NYAP2: variants seen among roughly 807,000 people sequenced by gnomAD.
The protein encoded by NYAP2 is neuronal tyrosine-phosphorylated phosphoinositide-3-kinase adapter 2.
A neutral mutation model predicts 50.4 loss-of-function variants in NYAP2; 23 were observed. The observed-to-expected ratio is 0.46, with a 90% CI of 0.33 to 0.65. The LOEUF is 0.65. Among genes scored for constraint, NYAP2 ranks in the 30% least tolerant of loss-of-function variants. NYAP2 has a pLI of 0.02. For synonymous variants in NYAP2, 394 were observed against 365.2 expected (o/e 1.08, Z -0.90); for missense variants, 885 against 861.0 (o/e 1.03, Z -0.35).
At chr2:225,687,169 GTAACT>G in the NYAP2 span, among the ~76,000 whole-genome samples, 2 of 152,074 alleles carry the variant, frequency 1.3e-5, no homozygotes, top group African/African-American at 4.8e-5. Context: ...TGCTATACGT[GTAACT>G]TAATCTCTTC....
chr2:225,653,058 A>G (rs1310913227), exon 7 of NYAP2: 1 of 152,234 alleles, frequency 6.6e-6, no homozygotes, highest in Non-Finnish European at 1.5e-5. Flanking sequence ...TAAAAGAAGT[A>G]GAAACAGTAA....
intron 4 of NYAP2, among the ~76,000 whole-genome samples, chr2:225,544,927 A>G (rs563602018): frequency 7.4e-4 from 113 of 152,270 alleles, no homozygotes; most frequent in Non-Finnish European, 1.5e-3. Context: ...TTTCTTCTTC[A>G]TGCTTGAAGG....
intron 3 of NYAP2, among the ~76,000 whole-genome samples, chr2:225,492,992 T>C: frequency 7.5e-6 from 1 of 132,840 alleles, no homozygotes; most frequent in South Asian, 2.2e-4. Flanking sequence ...TTATAGCAAC[T>C]TTTTTTTTTT....
At chr2:225,580,083 GT>G (rs1692245834) in intron 4 of NYAP2, among the ~76,000 whole-genome samples, 1 of 152,054 alleles carries the variant, frequency 6.6e-6, no homozygotes, top group Non-Finnish European at 1.5e-5. Context: ...GTAGAAAATA[GT>G]TTCCCAGAGC....
intron 6 of NYAP2, among the ~76,000 whole-genome samples, chr2:225,633,788 A>G (rs1259090240): frequency 6.6e-6 from 1 of 152,250 alleles, no homozygotes; most frequent in Non-Finnish European, 1.5e-5. Context: ...TTTAACTGCT[A>G]TTATGTGAAA....
chr2:225,556,665 C>T (rs1050117555), intron 4 of NYAP2, among the ~76,000 whole-genome samples: 2 of 152,168 alleles, frequency 1.3e-5, no homozygotes, highest in Non-Finnish European at 2.9e-5. Context: ...ATGGCTCCCC[C>T]TGGGTGCAAT....
At chr2:225,409,310 G>A (rs1208095661) in intron 3 of NYAP2, among the ~76,000 whole-genome samples, 1 of 151,964 alleles carries the variant, frequency 6.6e-6, no homozygotes, top group African/African-American at 2.4e-5. Context: ...ATTTCCTTGT[G>A]TGTGTGCATA....
intron 6 of NYAP2, among the ~76,000 whole-genome samples, chr2:225,630,275 G>A (rs747439238): frequency 6.6e-6 from 1 of 152,192 alleles, no homozygotes; most frequent in Non-Finnish European, 1.5e-5. Flanking sequence ...GCAAATAATA[G>A]CCCTTGTTTG....
rs78301932 is a variant in NYAP2, at chr2:225,560,387, T to G, written c.524-21554T>G. ...ACACTATGACATAGAGCATACCATA[T>G]CTTTGGACATATCTTTTCAAATATG... On this transcript the variant is annotated intron_variant, in intron 4 of 6. Transcript: ENST00000636099. 2.4e-4 allele frequency among the ~76,000 whole-genome samples: 36 copies of G among 152,226 alleles called. No homozygotes were observed. In the East Asian group the frequency reaches 6.9e-3, roughly 29 times the overall value.
At chr2:225,594,378 G>T (rs1196842561) in intron 5 of NYAP2, among the ~76,000 whole-genome samples, 1 of 151,970 alleles carries the variant, frequency 6.6e-6, no homozygotes, top group Non-Finnish European at 1.5e-5. Flanking sequence ...ACAAAAATTA[G>T]TTGGGTGTGG....
At chr2:225,702,040 G>A in the NYAP2 span, 2 of 151,672 alleles carry the variant, frequency 1.3e-5, no homozygotes, top group Admixed American at 6.6e-5. Flanking sequence ...GTTAAGACAA[G>A]TAGAAAAGAG....
chr2:225,547,040 G>A (rs1003185672), intron 4 of NYAP2, among the ~76,000 whole-genome samples: 11 of 152,106 alleles, frequency 7.2e-5, no homozygotes, highest in African/African-American at 2.2e-4. Context: ...CTATCCTATT[G>A]TGGCTAAGCG....
intron 3 of NYAP2, among the ~76,000 whole-genome samples, chr2:225,495,334 A>G (rs1035213266): frequency 2.0e-5 from 3 of 152,216 alleles, no homozygotes; most frequent in Non-Finnish European, 4.4e-5. Flanking sequence ...GCTGTCAATG[A>G]GAATAGATTG....
intron 3 of NYAP2, among the ~76,000 whole-genome samples, chr2:225,439,876 G>A (rs766209406): frequency 3.3e-5 from 5 of 152,178 alleles, no homozygotes; most frequent in Admixed American, 6.5e-5. Context: ...AAGAAAAGAC[G>A]TTTAATTGAC....
chr2:225,655,917 CACACACACACATACACACAT>C (rs1435494218), downstream of NYAP2, among the ~76,000 whole-genome samples: 58 of 147,732 alleles, frequency 3.9e-4, no homozygotes, highest in African/African-American at 1.4e-3. Context: ...CACACACACA[CACACACACACATACACACAT>C]ACACACACAC....
At chr2:225,653,468 T>C (rs1693770666) in exon 7 of NYAP2, 2 of 152,238 alleles carry the variant, frequency 1.3e-5, no homozygotes, top group African/African-American at 4.8e-5. Context: ...TTTTTCAAAA[T>C]GTAGCAAGGG....
chr2:225,701,112 C>T, the NYAP2 span: 8 of 151,850 alleles, frequency 5.3e-5, no homozygotes, highest in Admixed American at 1.3e-4. Context: ...TTATTCTGTG[C>T]CTATACGATT....
Position 225,596,307 on chromosome 2 carries a change from T to C in NYAP2, c.1618+13272T>C, listed in dbSNP as rs568802582. 2.6e-5 allele frequency among the ~76,000 whole-genome samples: 4 copies of C among 152,338 alleles called. No individual in the cohort carries two copies. The South Asian group carries it at 8.3e-4, about 32-fold the overall frequency. ...CTGCTCCTTCATTTTTATGAAAAAG[T>C]TCTTCTGACATATGACTGACAGTGT... is the stretch of plus-strand genomic sequence containing the variant. On this transcript the variant is annotated intron_variant, in intron 5 of 6. Coordinates refer to ENST00000636099, the Ensembl canonical transcript of NYAP2.
chr2:225,578,780 T>C (rs1692212864), intron 4 of NYAP2, among the ~76,000 whole-genome samples: 2 of 152,164 alleles, frequency 1.3e-5, no homozygotes, highest in Non-Finnish European at 2.9e-5. Context: ...GACATTAAAA[T>C]GTTCATCGTT....
Sources: allele counts gnomAD v4.1 joint callset (sites outside exome capture counted in the v4.1 genomes callset), GRCh38; gene constraint gnomAD v4.1.1; transcripts MANE v1.5; gene names NCBI Gene and HGNC (gene_info 2026-07-23, HGNC 2026-07-21).